The following XPR1 variants were observed in gnomAD, a reference collection of about 807,000 sequenced individuals.
The protein encoded by XPR1 is xenotropic and polytropic retrovirus receptor 1.
In XPR1, 28 loss-of-function variants were observed where a neutral mutation model predicts 87.5. That is an observed-to-expected ratio of 0.32 (90% confidence interval 0.24 to 0.44). The LOEUF (loss-of-function observed/expected upper bound fraction) is 0.44, where lower values mean the gene tolerates loss of function less well. Among genes scored for constraint, XPR1 ranks in the 20% least tolerant of loss-of-function variants. XPR1 has a pLI of 1.00. For missense variants in XPR1, 559 were observed against 862.3 expected (o/e 0.65, Z 4.41); for synonymous variants, 300 against 306.1 (o/e 0.98, Z 0.21).
chr1:180,865,581 T>G (rs571134235), intron 12 of XPR1, among the ~76,000 whole-genome samples: 4 of 152,270 alleles, frequency 2.6e-5, no homozygotes, highest in Non-Finnish European at 5.9e-5. Context: ...TTTGTAGTTT[T>G]AGTAGAGACG....
chr1:180,883,296 C>T (rs776432359), intron 14 of XPR1, among the ~76,000 whole-genome samples: 110 of 152,068 alleles, frequency 7.2e-4, no homozygotes, highest in Non-Finnish European at 1.3e-3. Flanking sequence ...CATGTTCTCA[C>T]TTGATATGCA....
chr1:180,794,560 G>A (rs1368305282), intron 3 of XPR1, among the ~76,000 whole-genome samples: 1 of 152,240 alleles, frequency 6.6e-6, no homozygotes, highest in African/African-American at 2.4e-5. Context: ...GTTATGCAAA[G>A]TACTGTGAAA....
chr1:180,632,148 C>T lies in XPR1; in HGVS notation c.-54C>T, dbSNP rs1413920868. 8 of 1,563,130 alleles carry T rather than the reference C, an allele frequency of 5.1e-6. No individual in the cohort carries two copies. The African/African-American group carries it at 1.1e-4, about 21-fold the overall frequency. On this transcript the variant is annotated 5_prime_UTR_variant, in exon 1 of 15. Coordinates refer to ENST00000367590, the MANE Select transcript of XPR1 (RefSeq NM_004736.4). ...TGGGGAGGAGTCGGAGTCGCTGTTG[C>T]CGCCGCCGCCTGTAGCTGCTGGACC...
At chr1:180,698,940 T>A (rs897882441) in intron 2 of XPR1, among the ~76,000 whole-genome samples, 10 of 143,138 alleles carry the variant, frequency 7.0e-5, no homozygotes, top group Non-Finnish European at 1.4e-4. Context: ...TTCAGAATTC[T>A]CTCTTTGTCT....
chr1:180,789,586 T>C (rs1649302278), intron 3 of XPR1, among the ~76,000 whole-genome samples: 1 of 151,958 alleles, frequency 6.6e-6, no homozygotes, highest in African/African-American at 2.4e-5. Context: ...TTTGTCTTCT[T>C]TTTTCCTTTT....
At chr1:180,829,230 G>A (rs1648206012) in intron 9 of XPR1, among the ~76,000 whole-genome samples, 1 of 152,170 alleles carries the variant, frequency 6.6e-6, no homozygotes. Context: ...AAAAGAGGAT[G>A]TTAACATGTT....
At chr1:180,835,918 C>T (rs1447941543) in intron 10 of XPR1, among the ~76,000 whole-genome samples, 1 of 152,124 alleles carries the variant, frequency 6.6e-6, no homozygotes, top group South Asian at 2.1e-4. Context: ...TATTAGTATA[C>T]TCATCTTCTA....
chr1:180,843,713 A>G (rs1203550570), intron 11 of XPR1, among the ~76,000 whole-genome samples: 1 of 151,550 alleles, frequency 6.6e-6, no homozygotes. Flanking sequence ...AAAAAAAAAG[A>G]ACACATATGC....
chr1:180,656,553 A>ATATAT (rs1371228766), intron 1 of XPR1, among the ~76,000 whole-genome samples: 25 of 13,944 alleles, frequency 1.8e-3, no homozygotes, highest in Non-Finnish European at 4.2e-3. Context: ...TTATATATTT[A>ATATAT]TATGTATAAT....
At chr1:180,683,364 G>A (rs1326867421) in intron 2 of XPR1, among the ~76,000 whole-genome samples, 2 of 139,954 alleles carry the variant, frequency 1.4e-5, no homozygotes, top group Non-Finnish European at 1.5e-5. Flanking sequence ...CCAGTCTATT[G>A]TTGTTGGACA....
chr1:180,772,481 GTGTC>G (rs973465406), intron 2 of XPR1, among the ~76,000 whole-genome samples: 7 of 152,126 alleles, frequency 4.6e-5, no homozygotes, highest in African/African-American at 9.7e-5. Flanking sequence ...GTGTGTGTGT[GTGTC>G]TGTCTGTCTG....
At chr1:180,703,610 G>C (rs1657440564) in intron 2 of XPR1, among the ~76,000 whole-genome samples, 1 of 152,176 alleles carries the variant, frequency 6.6e-6, no homozygotes, top group Admixed American at 6.5e-5. Flanking sequence ...ACAAGGGCAG[G>C]ACTACCCTCA....
chr1:180,883,560 T>G (rs1652912939), intron 14 of XPR1, among the ~76,000 whole-genome samples: 1 of 151,952 alleles, frequency 6.6e-6, no homozygotes, highest in Non-Finnish European at 1.5e-5. Context: ...AATACAAAAC[T>G]TCGCCAAGCG....
intron 2 of XPR1, among the ~76,000 whole-genome samples, chr1:180,785,677 A>C (rs185878716): frequency 3.3e-5 from 5 of 151,994 alleles, no homozygotes; most frequent in Non-Finnish European, 7.4e-5. Context: ...AAGAGAAGCT[A>C]TGTTTGAATC....
chr1:180,829,033 C>T (rs1650961951), intron 9 of XPR1, among the ~76,000 whole-genome samples: 2 of 151,864 alleles, frequency 1.3e-5, no homozygotes, highest in Non-Finnish European at 2.9e-5. Context: ...CCTTTCTCTA[C>T]AAAAAATGAA....
At chr1:180,791,973 C>G (rs1202553917) in intron 3 of XPR1, among the ~76,000 whole-genome samples, 1 of 152,318 alleles carries the variant, frequency 6.6e-6, no homozygotes, top group East Asian at 1.9e-4. Flanking sequence ...AGGCACGTCT[C>G]TTGATGTCCT....
chr1:180,811,373 G>A (rs1289340320), intron 6 of XPR1, 34 bp from the exon 7 acceptor site: 2 of 1,541,326 alleles, frequency 1.3e-6, no homozygotes, highest in Non-Finnish European at 1.8e-6. Flanking sequence ...TCAGTGTTTT[G>A]TCCTGTACTC....
intron 12 of XPR1, among the ~76,000 whole-genome samples, chr1:180,869,448 A>T: frequency 1.3e-5 from 1 of 76,734 alleles, no homozygotes; most frequent in Non-Finnish European, 2.4e-5. Context: ...CTGGTCCTGG[A>T]CTCTTTTTGG....
intron 2 of XPR1, among the ~76,000 whole-genome samples, chr1:180,780,503 T>C (rs1447004533): frequency 6.6e-6 from 1 of 152,178 alleles, no homozygotes; most frequent in African/African-American, 2.4e-5. Flanking sequence ...AAAAATTTGG[T>C]TATATGTCTT....
Sources: allele counts gnomAD v4.1 joint callset (sites outside exome capture counted in the v4.1 genomes callset), GRCh38; gene constraint gnomAD v4.1.1; transcripts MANE v1.5; gene names NCBI Gene and HGNC (gene_info 2026-07-23, HGNC 2026-07-21).